The following GPR137 variants were observed in gnomAD, a reference collection of about 807,000 sequenced individuals.
The protein encoded by GPR137 is G protein-coupled receptor 137, also known as integral membrane protein GPR137.
A neutral mutation model predicts 38.9 loss-of-function variants in GPR137; 20 were observed. That is an observed-to-expected ratio of 0.51 (90% CI 0.36 to 0.75). GPR137 has a LOEUF of 0.75. GPR137 is among the 30% of genes least tolerant of loss of function. The pLI is 0.00. For missense variants in GPR137, 456 were observed against 526.4 expected, an observed-to-expected ratio of 0.87 and a Z score of 1.31; for synonymous variants, 226 against 235.8, an observed-to-expected ratio of 0.96 and a Z score of 0.38.
upstream of GPR137, among the ~76,000 whole-genome samples, chr11:64,273,879 AAG>A (rs1285471210): frequency 6.6e-6 from 1 of 151,006 alleles, no homozygotes; most frequent in Non-Finnish European, 1.5e-5. Flanking sequence ...AAAAAAAAAA[AAG>A]AGAGGCAGGT....
upstream of GPR137, among the ~76,000 whole-genome samples, chr11:64,281,061 G>C (rs564605879): frequency 6.6e-6 from 1 of 151,916 alleles, no homozygotes; most frequent in African/African-American, 2.4e-5. Context: ...TCCGCCTCCC[G>C]GGCTCACGCC....
In GPR137 at chr11:64,286,149, T is replaced by C; in HGVS notation, c.-376T>C. ...TGACCCGACGGGTATCAGCCGGCTC[T>C]CCCCCTCCACCCAGGACGACATGAA... is the stretch of plus-strand genomic sequence containing the variant. On this transcript the variant is annotated 5_prime_UTR_variant, in exon 1 of 7. Transcript: ENST00000438980. 3 of 1,029,182 alleles carry C rather than the reference T, an allele frequency of 2.9e-6. No homozygotes were observed. Among genetic ancestry groups the C allele is most frequent in the Non-Finnish European group, 2.3e-6 (2 of 858,540 alleles). The allele number at this position is 1,029,182 out of a possible 1,614,324, so 63.8% of individuals were successfully genotyped here.
chr11:64,275,125 G>C (rs1208138354), upstream of GPR137, among the ~76,000 whole-genome samples: 1 of 151,794 alleles, frequency 6.6e-6, no homozygotes, highest in African/African-American at 2.4e-5. Flanking sequence ...CTGCCCCCAG[G>C]TCAGGTGGGG....
In GPR137 at chr11:64,288,483, C is replaced by T. The variant is rs781292886; in HGVS notation, c.912+15C>T. ...CACAGGACCTGGTAAGGGTCTGCTCCCTCTTCTGTGGGGCCAGTGGAGGGG... is the reference window on the plus strand; with the variant it reads ...CACAGGACCTGGTAAGGGTCTGCTCTCTCTTCTGTGGGGCCAGTGGAGGGG... On this transcript the variant is annotated intron_variant, in intron 5 of 6. Coordinates refer to ENST00000438980, the MANE Select transcript of GPR137 (RefSeq NM_001170880.2). The surrounding 1 kb of genome is among the most constrained non-coding windows in gnomAD (Gnocchi z 5.5). 6 of 1,613,136 alleles carry T rather than the reference C, an allele frequency of 3.7e-6. No homozygotes were observed. Among genetic ancestry groups the T allele is most frequent in the Non-Finnish European group, 4.2e-6 (5 of 1,179,940 alleles).
rs781430494 is a variant in GPR137, at chr11:64,287,941, G to T, written c.628G>T (p.Ala210Ser). 15 of 1,601,334 alleles carry T rather than the reference G, an allele frequency of 9.4e-6. No homozygotes were observed. The South Asian group carries it at 1.2e-4, about 13-fold the overall frequency. Residue 210 changes from alanine (A) to serine (S), a missense_variant, in exon 3 of 7, where the codon GCC becomes TCC. Physicochemically the swap from Ala to Ser is moderately conservative, Grantham distance 99. Transcript: ENST00000438980. ...GCCCTCCACTAGCATCTACCTGGAGGCCAAGGTAGGGCTGCAGCACTGATG... is the reference window on the plus strand; with the variant it reads ...GCCCTCCACTAGCATCTACCTGGAGTCCAAGGTAGGGCTGCAGCACTGATG... ...RAPSTSIYLEAKGTSVCQAAA... is the reference protein window; with the variant it reads ...RAPSTSIYLESKGTSVCQAAA...
In GPR137 at chr11:64,287,005, G is replaced by T; in HGVS notation, c.398G>T (p.Ser133Ile). Residue 133 changes from serine (S) to isoleucine (I), a missense_variant, in exon 2 of 7, where the codon AGC (serine) becomes ATC (isoleucine). Transcript: ENST00000438980. ...KAKVKRRPEM[S>I]RGLLAVRGAF... Reference sequence around the variant, plus strand: ...AAGGTGAAGCGTCGGCCGGAGATGAGCCGAGGCTTGTAAGTACTCGGGACA... The same window carrying T: ...AAGGTGAAGCGTCGGCCGGAGATGATCCGAGGCTTGTAAGTACTCGGGACA... The T allele has an allele frequency of 6.2e-7, 1 of 1,613,720 alleles. No homozygotes were observed. Among genetic ancestry groups the T allele is most frequent in the East Asian group, 2.2e-5 (1 of 44,882 alleles).
upstream of GPR137, among the ~76,000 whole-genome samples, chr11:64,280,011 T>C (rs573462945): frequency 7.3e-5 from 11 of 151,554 alleles, no homozygotes; most frequent in Admixed American, 5.3e-4. Context: ...TAGCAAGACC[T>C]TGTCTCTAAA....
upstream of GPR137, among the ~76,000 whole-genome samples, chr11:64,280,053 C>T (rs542602201): frequency 6.6e-6 from 1 of 151,824 alleles, no homozygotes; most frequent in Non-Finnish European, 1.5e-5. Flanking sequence ...CGCGGTGGCT[C>T]ACGCCTGTAA....
chr11:64,288,830 A>C lies in GPR137; in HGVS notation c.1031+109A>C. The C allele has an allele frequency of 7.2e-7, 1 of 1,388,854 alleles. No homozygotes were observed. Among genetic ancestry groups the C allele is most frequent in the Non-Finnish European group, 9.3e-7 (1 of 1,072,640 alleles). 86.0% of individuals were successfully genotyped at this position (1,388,854 alleles called of 1,614,324 possible). A position where few individuals can be genotyped will look rare whatever the true frequency, so the allele number is the denominator to read the frequency against. On this transcript the variant is annotated intron_variant, in intron 6 of 6. Transcript: ENST00000438980. This position sits in a 1 kb window ranked among gnomAD's most constrained non-coding sequence, Gnocchi z 5.5. ...CCGGGTCTTGCCTTCCACCCCTGCC[A>C]TGGCCTTTGCTTCCCCATCTGTACT...
At chr11:64,287,689 G>A (rs760934809) in intron 2 of GPR137, 32 bp from the exon 3 acceptor site, 14 of 1,599,816 alleles carry the variant, frequency 8.8e-6, no homozygotes, top group Non-Finnish European at 1.2e-5. Context: ...GAGGGCTGTT[G>A]AGGGCCCGCG....
Position 64,289,177 on chromosome 11 carries a change from A to G in GPR137, c.1172A>G (p.Tyr391Cys), listed in dbSNP as rs1240322587. The G allele has an allele frequency of 1.9e-6, 3 of 1,612,090 alleles. No homozygotes were observed. The South Asian group carries it at 3.3e-5, about 18-fold the overall frequency. ...PGPGGHHHSL[Y>C]STPQT is the part of the protein sequence containing the mutation. ...CCAGGCGGCCACCACCACAGTCTCT[A>G]CTCCACCCCACAGACGTGATCCCCC... is the stretch of plus-strand genomic sequence containing the variant. The change falls in exon 7 of 7, where the codon TAC becomes TGC. Residue 391 changes from tyrosine (Y) to cysteine (C), a missense_variant. Physicochemically the swap from Tyr to Cys is radical, Grantham distance 194 (BLOSUM62 -2). Transcript: ENST00000438980.
Position 64,288,951 on chromosome 11 carries a change from C to T in GPR137, c.1032-86C>T, listed in dbSNP as rs1224225027. 6.9e-7 allele frequency: 1 copy of T among 1,451,812 alleles called. No homozygotes were observed. Among genetic ancestry groups the T allele is most frequent in the African/African-American group, 1.4e-5 (1 of 70,286 alleles). 89.9% of individuals were successfully genotyped at this position (1,451,812 alleles called of 1,614,324 possible). A position where few individuals can be genotyped will look rare whatever the true frequency, so the allele number is the denominator to read the frequency against. ...CCCGAAGGTCTAGGTCACAGGGGTT[C>T]TGTTCTAAGCCTGTCTTCCTCCTGC... is the stretch of plus-strand genomic sequence containing the variant. On this transcript the variant is annotated intron_variant, in intron 6 of 6. Coordinates refer to ENST00000438980, the MANE Select transcript of GPR137 (RefSeq NM_001170880.2). This position sits in a 1 kb window ranked among gnomAD's most constrained non-coding sequence, Gnocchi z 5.5.
chr11:64,276,249 T>C, intron 1 of GPR137: 1 of 152,202 alleles, frequency 6.6e-6, no homozygotes, highest in South Asian at 2.1e-4. Flanking sequence ...GAATTATATA[T>C]ATGTAAATAC....
At chr11:64,272,463 C>T (rs76805375), upstream of GPR137, among the ~76,000 whole-genome samples, 3 of 152,280 alleles carry the variant, frequency 2.0e-5, no homozygotes, top group East Asian at 1.9e-4. Flanking sequence ...CTGCCACAGC[C>T]GGCAGGATTG....
At chr11:64,289,015 T>C (rs1246866669) in intron 6 of GPR137, 22 bp from the exon 7 acceptor site, 2 of 1,514,388 alleles carry the variant, frequency 1.3e-6, no homozygotes, top group Non-Finnish European at 1.8e-6. Context: ...GTCCTGAGAC[T>C]GACCCTGTTT....
At position 64,286,232 on chromosome 11, in the gene GPR137, G is replaced by A. The variant is rs1454874464; in HGVS notation, c.-293G>A. 4.9e-6 allele frequency: 6 copies of A among 1,217,804 alleles called. No homozygotes were observed. The African/African-American group carries it at 9.3e-5, about 19-fold the overall frequency. 75.4% of individuals were successfully genotyped at this position (1,217,804 alleles called of 1,614,324 possible). ...TCTGCATCCCCCCATCCTTGGCTCT[G>A]GGGTAGGCCCAGGGAGGAGACACCC... On this transcript the variant is annotated 5_prime_UTR_variant, in exon 1 of 7. Coordinates refer to ENST00000438980, the MANE Select transcript of GPR137 (RefSeq NM_001170880.2).
chr11:64,287,127 C>T (rs1054165231), intron 2 of GPR137, 113 bp downstream of exon 2: 3 of 1,500,376 alleles, frequency 2.0e-6, no homozygotes, highest in South Asian at 1.3e-5. Context: ...CAGGGAATGT[C>T]TGTGGAAGAT....
At chr11:64,279,812 G>A (rs2033320856), upstream of GPR137, among the ~76,000 whole-genome samples, 2 of 148,882 alleles carry the variant, frequency 1.3e-5, no homozygotes, top group South Asian at 4.3e-4. Context: ...CTCTAGGGTA[G>A]CCTCCAGATC....
At chr11:64,287,640 T>G in intron 2 of GPR137, 81 bp from the exon 3 acceptor site, 1 of 1,583,556 alleles carries the variant, frequency 6.3e-7, no homozygotes, top group Non-Finnish European at 8.5e-7. Flanking sequence ...TTGTCGACAT[T>G]GGGGTTTCCT....
Sources: allele counts gnomAD v4.1 joint callset (sites outside exome capture counted in the v4.1 genomes callset), GRCh38; gene constraint gnomAD v4.1.1; non-coding constraint Gnocchi (gnomAD v3.1); transcripts MANE v1.5; gene names NCBI Gene and HGNC (gene_info 2026-07-23, HGNC 2026-07-21).